OR51B5: variants seen among roughly 807,000 people sequenced by gnomAD.
The protein encoded by OR51B5 is olfactory receptor family 51 subfamily B member 5.
For synonymous variants in OR51B5, 186 were observed against 144.8 expected (o/e 1.28, Z -2.04); for missense variants, 456 against 374.6 (o/e 1.22, Z -1.79).
intron 1 of OR51B5, among the ~76,000 whole-genome samples, chr11:5,366,135 G>C (rs1048344663): frequency 6.6e-6 from 1 of 152,062 alleles, no homozygotes; most frequent in Non-Finnish European, 1.5e-5. Flanking sequence ...TGAACCCAGT[G>C]GGCAAAATAA....
rs1849128030 is a variant in OR51B5 at position 5,353,083 on chromosome 11, G to A, written n.85-6173C>T. On this transcript the variant is annotated intron_variant and non_coding_transcript_variant, in intron 1 of 4. Coordinates refer to the OR51B5 transcript ENST00000415970. ...TCTTGCATATATGGAGCTGGCTGCT[G>A]TTTCTAGAAAATTGCACGTGAAGAA... Among the ~76,000 whole-genome samples the A allele has an allele frequency of 1.3e-5, 2 of 151,782 alleles. 1 individual carries two copies. Among genetic ancestry groups the A allele is most frequent in the South Asian group, 4.1e-4 (2 of 4,820 alleles).
intron 1 of OR51B5, among the ~76,000 whole-genome samples, chr11:5,358,262 GAA>G (rs1849224819): frequency 6.6e-6 from 1 of 151,604 alleles, no homozygotes; most frequent in Non-Finnish European, 1.5e-5. Flanking sequence ...TAATAAAGAA[GAA>G]AAGAGAGAAG....
intron 1 of OR51B5, chr11:5,454,424 A>G (rs1157222026): frequency 3.1e-6 from 5 of 1,602,140 alleles, no homozygotes; most frequent in African/African-American, 1.3e-5. Context: ...ACATCAAAAT[A>G]TGACTTTCAC....
chr11:5,452,357 T>A, intron 1 of OR51B5, among the ~76,000 whole-genome samples: 1 of 151,540 alleles, frequency 6.6e-6, no homozygotes, highest in Non-Finnish European at 1.5e-5. Flanking sequence ...ACAAAAAAAA[T>A]TAGCCGGGCA....
chr11:5,390,328 G>T, intron 1 of OR51B5: 1 of 1,612,774 alleles, frequency 6.2e-7, no homozygotes, highest in Non-Finnish European at 8.5e-7. Context: ...AGACCAAGGA[G>T]ATCCACCGTG....
upstream of OR51B5, chr11:5,347,052 C>A (rs1020396321): frequency 3.9e-5 from 6 of 152,070 alleles, no homozygotes; most frequent in South Asian, 4.1e-4. Context: ...CTTAATTAGT[C>A]CCCCCAAGCT....
chr11:5,436,017 T>C (rs1248433878), intron 1 of OR51B5, among the ~76,000 whole-genome samples: 1 of 152,138 alleles, frequency 6.6e-6, no homozygotes, highest in Non-Finnish European at 1.5e-5. Context: ...AAATCATTAA[T>C]GAATAAAAGA....
In OR51B5 at chr11:5,436,002, T is replaced by TA. The variant is rs527411712; in HGVS notation, n.84+69566dup. ...ACATGATTCTGACACAAAGATATGC[T>TA]AAAAAAATCATTAATGAATAAAAGA... On this transcript the variant is annotated intron_variant and non_coding_transcript_variant, in intron 1 of 4. Transcript: ENST00000415970. Among the ~76,000 whole-genome samples the TA allele has an allele frequency of 7.0e-4, 106 of 152,228 alleles. 3 individuals carry two copies. The South Asian group carries it at 0.017, about 25-fold the overall frequency.
chr11:5,365,935 G>T (rs1444747150), intron 1 of OR51B5, among the ~76,000 whole-genome samples: 9 of 152,114 alleles, frequency 5.9e-5, no homozygotes, highest in African/African-American at 2.2e-4. Context: ...GCATGAAGGG[G>T]GCAGGCTCAG....
Position 5,407,900 on chromosome 11 carries a change from A to C in OR51B5, n.85-60990T>G, listed in dbSNP as rs556488027. 1.3e-4 allele frequency among the ~76,000 whole-genome samples: 20 copies of C among 152,228 alleles called. No individual in the cohort carries two copies. The South Asian group carries it at 4.1e-3, about 32-fold the overall frequency. ...TAATTTTGTATCCACATTTTAATAAAATGTTATTGACAAAGGTTAAACATT... is the reference window on the plus strand; with the variant it reads ...TAATTTTGTATCCACATTTTAATAACATGTTATTGACAAAGGTTAAACATT... On this transcript the variant is annotated intron_variant and non_coding_transcript_variant, in intron 1 of 4. Coordinates refer to the OR51B5 transcript ENST00000415970.
intron 1 of OR51B5, among the ~76,000 whole-genome samples, chr11:5,466,941 C>T (rs1275000998): frequency 1.3e-5 from 2 of 152,224 alleles, no homozygotes; most frequent in East Asian, 1.9e-4. Flanking sequence ...TAAGCCCTTT[C>T]CTCTACGATC....
At chr11:5,380,950 T>C (rs968707282) in intron 1 of OR51B5, among the ~76,000 whole-genome samples, 2 of 152,108 alleles carry the variant, frequency 1.3e-5, no homozygotes, top group Non-Finnish European at 2.9e-5. Flanking sequence ...GTGGCTACAT[T>C]GGAAAACCAC....
chr11:5,479,142 A>C (rs1432349202), intron 1 of OR51B5, among the ~76,000 whole-genome samples: 1 of 149,272 alleles, frequency 6.7e-6, no homozygotes, highest in Non-Finnish European at 1.5e-5. Context: ...AGGGAAGCCC[A>C]TCAGACTAAC....
intron 1 of OR51B5, among the ~76,000 whole-genome samples, chr11:5,407,912 A>G (rs956757554): frequency 6.6e-6 from 1 of 152,150 alleles, no homozygotes; most frequent in Admixed American, 6.5e-5. Flanking sequence ...TGTTATTGAC[A>G]AAGGTTAAAC....
At chr11:5,376,632 C>G (rs1849532938) in intron 1 of OR51B5, among the ~76,000 whole-genome samples, 1 of 152,042 alleles carries the variant, frequency 6.6e-6, no homozygotes, top group East Asian at 1.9e-4. Context: ...GGGGATATCA[C>G]CACCGATCCC....
chr11:5,348,247 C>A (rs562749863), upstream of OR51B5, among the ~76,000 whole-genome samples: 2 of 152,060 alleles, frequency 1.3e-5, no homozygotes, highest in African/African-American at 2.4e-5. Flanking sequence ...GCAAACAATT[C>A]TACGAACAAA....
intron 1 of OR51B5, among the ~76,000 whole-genome samples, chr11:5,457,829 G>A (rs1850982661): frequency 6.6e-6 from 1 of 151,878 alleles, no homozygotes; most frequent in South Asian, 2.1e-4. Flanking sequence ...TGTTTTACAT[G>A]TTGATTTAAA....
chr11:5,351,874 A>G (rs5006889), intron 1 of OR51B5: 405,279 of 1,597,244 alleles, frequency 0.25, 54,440 homozygotes, highest in African/African-American at 0.31. Context: ...CTGTTTCATT[A>G]CCATCCGCAG....
intron 1 of OR51B5, among the ~76,000 whole-genome samples, chr11:5,386,336 C>T (rs1360860426): frequency 6.6e-6 from 1 of 152,056 alleles, no homozygotes; most frequent in South Asian, 2.1e-4. Flanking sequence ...GCTACCAGGG[C>T]CATGCATAGA....
Sources: allele counts gnomAD v4.1 joint callset (sites outside exome capture counted in the v4.1 genomes callset), GRCh38; gene constraint gnomAD v4.1.1; transcripts MANE v1.5; gene names NCBI Gene and HGNC (gene_info 2026-07-23, HGNC 2026-07-21).